The following UGT2B11 variants were observed in gnomAD, a reference collection of about 807,000 sequenced individuals.
UGT2B11 encodes the protein UDP glucuronosyltransferase family 2 member B11.
Under a neutral mutation model 51.7 loss-of-function variants are expected in UGT2B11, and 49 were observed. The ratio of observed to expected loss-of-function variants is 0.95; its 90% CI spans 0.75 to 1.20. UGT2B11 has a LOEUF of 1.20. Among genes scored for constraint, UGT2B11 ranks in the 50% most tolerant of loss-of-function variants. UGT2B11 has a pLI of 0.00. For synonymous variants in UGT2B11, 273 were observed against 209.0 expected, an observed-to-expected ratio of 1.31 and a Z score of -2.64; for missense variants, 810 against 622.1, an observed-to-expected ratio of 1.30 and a Z score of -3.21.
Position 69,214,744 on chromosome 4 carries a change from T to A in UGT2B11, c.-22A>T. 3 of 1,603,554 alleles carry A rather than the reference T, an allele frequency of 1.9e-6. No individual in the cohort carries two copies. Among genetic ancestry groups the A allele is most frequent in the Non-Finnish European group, 2.6e-6 (3 of 1,175,176 alleles). Reference sequence around the variant, plus strand: ...TCATCCTGGTGCAATGCGATCATTCTTTTCCAGTCACTGTTTCTTTCTCAT... The same window carrying A: ...TCATCCTGGTGCAATGCGATCATTCATTTCCAGTCACTGTTTCTTTCTCAT... On this transcript the variant is annotated 5_prime_UTR_variant, in exon 1 of 6. The change creates a new upstream start codon in the 5' untranslated region. Transcript: ENST00000446444.
upstream of UGT2B11, among the ~76,000 whole-genome samples, chr4:69,217,255 A>G (rs1722297904): frequency 6.6e-6 from 1 of 152,116 alleles, no homozygotes; most frequent in African/African-American, 2.4e-5. Context: ...AAAAAGTCTC[A>G]CCAGAAATTT....
In UGT2B11 at chr4:69,200,700, T is replaced by G. The variant is rs1013056185; in HGVS notation, c.1330A>C (p.Lys444Gln). 2 of 1,610,906 alleles carry G rather than the reference T, an allele frequency of 1.2e-6. No individual in the cohort carries two copies. The highest frequency in any genetic ancestry group is 2.7e-5 in the African/African-American group (2 of 74,660). Reference protein sequence around the residue: ...NDPLYKENIMKLSRIQHDQPV... With the variant: ...NDPLYKENIMQLSRIQHDQPV... ...TGATCATGTTGAATTCTTGATAATTTCATAATATTCTCTTTATATCTGAAG... is the reference window on the plus strand; with the variant it reads ...TGATCATGTTGAATTCTTGATAATTGCATAATATTCTCTTTATATCTGAAG... Residue 444 changes from lysine to glutamine, a missense_variant, in exon 6 of 6, where the codon AAA becomes CAA. Physicochemically the swap from Lys to Gln is moderately conservative, Grantham distance 53 (BLOSUM62 1). Coordinates refer to ENST00000446444, the MANE Select transcript of UGT2B11 (RefSeq NM_001073.3).
At chr4:69,203,255 A>G (rs528214164) in intron 5 of UGT2B11, among the ~76,000 whole-genome samples, 1 of 151,852 alleles carries the variant, frequency 6.6e-6, no homozygotes, top group South Asian at 2.1e-4. Context: ...AATCACATAT[A>G]AAGATTCTCA....
chr4:69,200,766 G>T, intron 5 of UGT2B11, 47 bp from the exon 6 acceptor site: 2 of 1,553,378 alleles, frequency 1.3e-6, no homozygotes, highest in Non-Finnish European at 1.7e-6. Context: ...AAGTTAATTT[G>T]CCTGTACATA....
At position 69,200,311 on chromosome 4, in the gene UGT2B11, A is replaced by ATTTTTTTTTTT. The variant is rs1560534651; in HGVS notation, c.*128_*129insAAAAAAAAAAA. Reference sequence around the variant, plus strand: ...TTTTACTTGACAAGGTAGATTTGAAAATTTTTTTTTTTTTTTTTTTTTTGT... The same window carrying ATTTTTTTTTTT: ...TTTTACTTGACAAGGTAGATTTGAAATTTTTTTTTTTATTTTTTTTTTTTTTTTTTTTTTGT... On this transcript the variant is annotated 3_prime_UTR_variant, in exon 6 of 6. Transcript: ENST00000446444. The ATTTTTTTTTTT allele has an allele frequency of 1.0e-6, 1 of 985,326 alleles. No homozygotes were observed. Among genetic ancestry groups the ATTTTTTTTTTT allele is most frequent in the African/African-American group, 1.9e-5 (1 of 52,872 alleles). 61.0% of individuals were successfully genotyped at this position (985,326 alleles called of 1,614,324 possible).
intron 4 of UGT2B11, among the ~76,000 whole-genome samples, chr4:69,205,206 G>A (rs553327750): frequency 3.4e-4 from 51 of 151,772 alleles, no homozygotes; most frequent in African/African-American, 1.2e-3. Context: ...TGTAGAAACA[G>A]GAGACAGAGA....
the UGT2B11 span, among the ~76,000 whole-genome samples, chr4:69,224,443 G>T: frequency 6.6e-6 from 1 of 152,090 alleles, no homozygotes; most frequent in Non-Finnish European, 1.5e-5. Context: ...GAGGGTCAGG[G>T]TTGTTAGAGA....
chr4:69,201,428 C>T (rs1721655703), intron 5 of UGT2B11: 1 of 151,826 alleles, frequency 6.6e-6, no homozygotes, highest in Non-Finnish European at 1.5e-5. Context: ...TGGCTGGCTT[C>T]TCATTCTTTT....
chr4:69,217,348 C>G (rs1478721357), upstream of UGT2B11, among the ~76,000 whole-genome samples: 1 of 152,086 alleles, frequency 6.6e-6, no homozygotes, highest in Non-Finnish European at 1.5e-5. Context: ...ATCTGTTAAC[C>G]TGAAATGAGA....
rs1722176067 is a variant in UGT2B11, at chr4:69,214,137, TAG to T, written c.584_585del (p.Pro195HisfsTer8). ...GGLIFPPSYI[P>X]IVMSKLSDQM... Reference sequence around the variant, plus strand: ...TGATCACTTAATTTTGACATAACAATAGGTATGTAGGAAGGAGGGAAAATCAG... The same window carrying T: ...TGATCACTTAATTTTGACATAACAATGTATGTAGGAAGGAGGGAAAATCAG... On this transcript the variant is annotated frameshift_variant, in exon 1 of 6. Transcript: ENST00000446444. LOFTEE classifies it high-confidence loss of function. The T allele has an allele frequency of 1.9e-6, 3 of 1,612,488 alleles. No homozygotes were observed. The African/African-American group carries it at 4.0e-5, about 22-fold the overall frequency.
chr4:69,208,189 G>A (rs1419041351), intron 3 of UGT2B11, among the ~76,000 whole-genome samples, 162 bp downstream of exon 3: 1 of 151,498 alleles, frequency 6.6e-6, no homozygotes. Context: ...CTAAGTCTGA[G>A]GCACAACTAT....
the UGT2B11 span, among the ~76,000 whole-genome samples, chr4:69,222,897 C>T: frequency 6.6e-6 from 1 of 152,274 alleles, no homozygotes; most frequent in Non-Finnish European, 1.5e-5. Context: ...GCACCTTTAA[C>T]ACTTCAGTGG....
At chr4:69,204,217 A>C in intron 5 of UGT2B11, 1 of 542,428 alleles carries the variant, frequency 1.8e-6, no homozygotes, top group Non-Finnish European at 2.9e-6. Flanking sequence ...TTGTTTAGAA[A>C]ATTGCTTCAC....
chr4:69,210,884 A>C (rs1388109090), intron 2 of UGT2B11, among the ~76,000 whole-genome samples: 1 of 151,674 alleles, frequency 6.6e-6, no homozygotes, highest in Non-Finnish European at 1.5e-5. Context: ...CATATGTCTT[A>C]AAATGTGATA....
intron 3 of UGT2B11, 111 bp from the exon 4 acceptor site, chr4:69,205,678 T>A (rs1488940661): frequency 2.5e-6 from 3 of 1,195,708 alleles, no homozygotes; most frequent in East Asian, 2.5e-5. Context: ...TAAATAAATC[T>A]ACTCAAAGAT....
intron 4 of UGT2B11, among the ~76,000 whole-genome samples, chr4:69,204,859 C>T (rs887313788): frequency 6.6e-6 from 1 of 151,698 alleles, no homozygotes; most frequent in Non-Finnish European, 1.5e-5. Context: ...AAACTTAATA[C>T]AAGATTTTCA....
At position 69,209,518 on chromosome 4, in the gene UGT2B11, G is replaced by A. The variant is rs1423642812; in HGVS notation, c.871-1036C>T. Among the ~76,000 whole-genome samples, 14 of 151,728 alleles carry A rather than the reference G, an allele frequency of 9.2e-5. No individual in the cohort carries two copies. In the East Asian group the frequency reaches 2.0e-3, roughly 21 times the overall value. ...AATGTATACCAATATTTAAATTTAA[G>A]TATTTTCAGATTTAATCATTGGGGT... On this transcript the variant is annotated intron_variant, in intron 2 of 5. Transcript: ENST00000446444.
chr4:69,215,952 A>G (rs1423046562), upstream of UGT2B11: 52 of 152,042 alleles, frequency 3.4e-4, no homozygotes, highest in Admixed American at 3.3e-3. Context: ...TTTGTTAAAA[A>G]TCTCAAATGC....
At chr4:69,211,797 C>G (rs1225619807) in intron 2 of UGT2B11, among the ~76,000 whole-genome samples, 4 of 151,408 alleles carry the variant, frequency 2.6e-5, no homozygotes, top group African/African-American at 9.7e-5. Context: ...ATCTTGGAGG[C>G]TTTTCTTAAA....
Sources: allele counts gnomAD v4.1 joint callset (sites outside exome capture counted in the v4.1 genomes callset), GRCh38; gene constraint gnomAD v4.1.1; transcripts MANE v1.5; gene names NCBI Gene and HGNC (gene_info 2026-07-23, HGNC 2026-07-21).